The following KATNIP variants were observed in gnomAD, a reference collection of about 807,000 sequenced individuals.
KATNIP encodes katanin-interacting protein.
In KATNIP, 126 loss-of-function variants were observed where a neutral mutation model predicts 174.0. That is an observed-to-expected ratio of 0.72 (90% CI 0.63 to 0.84). KATNIP has a LOEUF of 0.84. KATNIP is among the 40% of genes least tolerant of loss of function. KATNIP has a pLI of 0.00. For synonymous variants in KATNIP, 810 were observed against 835.7 expected (o/e 0.97, Z 0.53); for missense variants, 1,958 against 2,109.7 (o/e 0.93, Z 1.41).
chr16:27,648,685 T>C lies in KATNIP; in HGVS notation c.490T>C (p.Cys164Arg), dbSNP rs1476148646. ...GGACTATTCTGATGATTTTGAGCTGTGTGGGGATGTGACTCTCCAGGCAAA... is the reference window on the plus strand; with the variant it reads ...GGACTATTCTGATGATTTTGAGCTGCGTGGGGATGTGACTCTCCAGGCAAA... ...PVDYSDDFELCGDVTLQANNT... is the reference protein window; with the variant it reads ...PVDYSDDFELRGDVTLQANNT... Residue 164 changes from cysteine to arginine, a missense_variant, in exon 6 of 28, where the codon TGT becomes CGT. Coordinates refer to ENST00000261588, the MANE Select transcript of KATNIP (RefSeq NM_015202.5). 4.3e-6 allele frequency: 7 copies of C among 1,614,152 alleles called. No individual in the cohort carries two copies. The highest frequency in any genetic ancestry group is 5.9e-6 in the Non-Finnish European group (7 of 1,180,012).
At chr16:27,622,544 C>T (rs756236169) in intron 3 of KATNIP, among the ~76,000 whole-genome samples, 47 of 152,164 alleles carry the variant, frequency 3.1e-4, no homozygotes, top group Non-Finnish European at 5.9e-4. Flanking sequence ...GAGGTGACAG[C>T]AGAGAGGGGC....
intron 1 of KATNIP, among the ~76,000 whole-genome samples, chr16:27,557,955 C>T (rs1370102723): frequency 1.3e-5 from 2 of 152,130 alleles, no homozygotes; most frequent in African/African-American, 4.8e-5. Context: ...TCCCACCACC[C>T]GAGTTAAGTG....
rs1035371937 is a variant in KATNIP at position 27,740,677 on chromosome 16, A to G, written c.2380A>G (p.Ile794Val). 1.9e-6 allele frequency: 3 copies of G among 1,614,036 alleles called. No homozygotes were observed. The Admixed American group carries it at 5.0e-5, about 27-fold the overall frequency. Residue 794 changes from isoleucine to valine, a missense_variant, in exon 15 of 28, where the codon ATC becomes GTC. Transcript: ENST00000261588. ...GGGCAGGCTCCCATCAGACGATGTC[A>G]TCGGTGAGGGTCCTGGAGAGACCGA... ...WKGRLPSDDVIGEGPGETEAR... is the reference protein window; with the variant it reads ...WKGRLPSDDVVGEGPGETEAR...
At chr16:27,778,132 T>C (rs1417928941) in intron 27 of KATNIP, among the ~76,000 whole-genome samples, 163 bp downstream of exon 27, 1 of 152,176 alleles carries the variant, frequency 6.6e-6, no homozygotes, top group Non-Finnish European at 1.5e-5. Flanking sequence ...CTGAAGAGGA[T>C]GGAACCAGGG....
At chr16:27,586,236 A>T (rs1361774095) in intron 2 of KATNIP, among the ~76,000 whole-genome samples, 56 of 152,170 alleles carry the variant, frequency 3.7e-4, no homozygotes, top group Non-Finnish European at 7.4e-5. Context: ...AAAACATCTC[A>T]TGTAACTCAT....
chr16:27,646,470 C>A lies in KATNIP; in HGVS notation c.409-2134C>A, dbSNP rs2076959240. Among the ~76,000 whole-genome samples the A allele has an allele frequency of 1.3e-5, 2 of 152,218 alleles. 1 individual carries two copies. Among genetic ancestry groups the A allele is most frequent in the South Asian group, 4.1e-4 (2 of 4,832 alleles). On this transcript the variant is annotated intron_variant, in intron 5 of 27. Coordinates refer to ENST00000261588, the MANE Select transcript of KATNIP (RefSeq NM_015202.5). ...TGGATTGGCCAGGCCTGCCTCAAAT[C>A]CCCACCATGGGGCCACATGTGGACT...
At position 27,577,925 on chromosome 16, in the gene KATNIP, G is replaced by A. The variant is rs578260892; in HGVS notation, c.63+3969G>A. Among the ~76,000 whole-genome samples, 32 of 152,180 alleles carry A rather than the reference G, an allele frequency of 2.1e-4. No individual in the cohort carries two copies. In the South Asian group the frequency reaches 4.4e-3, roughly 21 times the overall value. On this transcript the variant is annotated intron_variant, in intron 2 of 27. Coordinates refer to ENST00000261588, the MANE Select transcript of KATNIP (RefSeq NM_015202.5). ...ATAAAAGTTCCCAGGTGATTATAAC[G>A]TGTAGCAGTTTGAGAACCACTGGCA...
At chr16:27,757,405 G>C (rs1019337549) in intron 18 of KATNIP, 2 of 676,670 alleles carry the variant, frequency 3.0e-6, no homozygotes, top group Non-Finnish European at 3.6e-6. Flanking sequence ...TCTCCAGAGC[G>C]GGTCAGAGTG....
chr16:27,725,450 C>T (rs1200785763), intron 14 of KATNIP, among the ~76,000 whole-genome samples: 2 of 152,210 alleles, frequency 1.3e-5, no homozygotes, highest in Non-Finnish European at 2.9e-5. Context: ...TGATCAGCCA[C>T]GTCTGCCGTG....
chr16:27,691,326 A>G (rs973238200), intron 8 of KATNIP, among the ~76,000 whole-genome samples: 12 of 152,252 alleles, frequency 7.9e-5, no homozygotes, highest in African/African-American at 2.9e-4. Flanking sequence ...GGTGAAGTGA[A>G]GATAAAGCAA....
chr16:27,761,603 C>G lies in KATNIP; in HGVS notation c.3809+13C>G, dbSNP rs2081958530. On this transcript the variant is annotated intron_variant, in intron 19 of 27. Transcript: ENST00000261588. Reference sequence around the variant, plus strand: ...GGGCCCTGGACAAGTAAGTGTCTATCAGAAGCTTTACTTTCATGCCCACTG... The same window carrying G: ...GGGCCCTGGACAAGTAAGTGTCTATGAGAAGCTTTACTTTCATGCCCACTG... The G allele has an allele frequency of 6.2e-7, 1 of 1,606,994 alleles. No homozygotes were observed. The highest frequency in any genetic ancestry group is 8.5e-7 in the Non-Finnish European group (1 of 1,174,148).
At chr16:27,675,370 A>G (rs887515973) in intron 6 of KATNIP, among the ~76,000 whole-genome samples, 1 of 152,176 alleles carries the variant, frequency 6.6e-6, no homozygotes, top group Non-Finnish European at 1.5e-5. Context: ...CCCTTGACAC[A>G]TGGGGATTAT....
intron 9 of KATNIP, 48 bp from the exon 10 acceptor site, chr16:27,699,486 G>C (rs777514977): frequency 3.4e-5 from 55 of 1,611,100 alleles, no homozygotes; most frequent in Non-Finnish European, 4.6e-5. Context: ...ACAGCATGGA[G>C]TGAATGGCTT....
chr16:27,776,879 G>C lies in KATNIP; in HGVS notation c.4450-49G>C, dbSNP rs757354848. 2 of 1,372,774 alleles carry C rather than the reference G, an allele frequency of 1.5e-6. No homozygotes were observed. Among genetic ancestry groups the C allele is most frequent in the East Asian group, 4.6e-5 (2 of 43,372 alleles). 85.0% of individuals were successfully genotyped at this position (1,372,774 alleles called of 1,614,324 possible). Reference sequence around the variant, plus strand: ...CCTGGCACCCCCAGCCCAGCCAAGCGCCTCTGTTTCCAAACATGCCTGTTT... The same window carrying C: ...CCTGGCACCCCCAGCCCAGCCAAGCCCCTCTGTTTCCAAACATGCCTGTTT... On this transcript the variant is annotated intron_variant, in intron 24 of 27. Coordinates refer to ENST00000261588, the MANE Select transcript of KATNIP (RefSeq NM_015202.5). This position sits in a 1 kb window ranked among gnomAD's most constrained non-coding sequence, Gnocchi z 4.7.
chr16:27,559,385 A>G (rs1596709104), intron 1 of KATNIP, among the ~76,000 whole-genome samples: 1 of 152,282 alleles, frequency 6.6e-6, no homozygotes, highest in African/African-American at 2.4e-5. Context: ...TCCATATTCA[A>G]AAATAGTGAT....
At chr16:27,743,319 C>T (rs763305157) in intron 15 of KATNIP, among the ~76,000 whole-genome samples, 20 of 151,998 alleles carry the variant, frequency 1.3e-4, no homozygotes, top group Non-Finnish European at 1.3e-4. Flanking sequence ...TGATTCAAAT[C>T]GGCATCTTCT....
chr16:27,616,698 G>A (rs937740965), intron 2 of KATNIP, among the ~76,000 whole-genome samples: 2 of 151,610 alleles, frequency 1.3e-5, no homozygotes, highest in African/African-American at 4.8e-5. Flanking sequence ...CTGCACTCCA[G>A]CCTGGGTGAC....
intron 13 of KATNIP, among the ~76,000 whole-genome samples, chr16:27,712,169 G>C (rs2079603388): frequency 6.6e-6 from 1 of 152,192 alleles, no homozygotes; most frequent in South Asian, 2.1e-4. Context: ...CCACGGTTTT[G>C]GTGGATTTGA....
chr16:27,661,490 A>C (rs140203900), intron 6 of KATNIP, among the ~76,000 whole-genome samples: 3,432 of 151,606 alleles, frequency 0.023, 150 homozygotes, highest in African/African-American at 0.079. Context: ...CTCCCGGGTT[A>C]ATGCGATTCT....
Sources: gnomAD v4.1 joint callset for allele counts (sites outside exome capture counted in the v4.1 genomes callset) on GRCh38, gnomAD v4.1.1 for gene constraint, Gnocchi (gnomAD v3.1) non-coding constraint, MANE v1.5 for transcripts, NCBI Gene and HGNC (gene_info 2026-07-23, HGNC 2026-07-21) for gene names.